PCNX2: variants seen among roughly 807,000 people sequenced by gnomAD.
PCNX2 encodes pecanex-like protein 2.
Under a neutral mutation model 223.8 loss-of-function variants are expected in PCNX2, and 168 were observed. That is an observed-to-expected ratio of 0.75 (90% CI 0.66 to 0.85). The LOEUF is 0.85. PCNX2 is among the 40% of genes least tolerant of loss of function. PCNX2 has a pLI of 0.00. For synonymous variants in PCNX2, 1,006 were observed against 1,052.6 expected (o/e 0.96, Z 0.86); for missense variants, 2,507 against 2,675.5 (o/e 0.94, Z 1.39).
chr1:233,322,884 G>A, the PCNX2 span, among the ~76,000 whole-genome samples: 1 of 151,880 alleles, frequency 6.6e-6, no homozygotes, highest in Non-Finnish European at 1.5e-5. Flanking sequence ...ACCCTTCTTC[G>A]TCTTTCTGAG....
At chr1:233,075,005 G>A (rs559031006) in intron 23 of PCNX2, among the ~76,000 whole-genome samples, 3 of 152,204 alleles carry the variant, frequency 2.0e-5, no homozygotes, top group Admixed American at 2.0e-4. Context: ...CTCTGAAAGA[G>A]TTTTACAGCT....
chr1:233,215,791 C>A (rs1349932227), intron 12 of PCNX2, among the ~76,000 whole-genome samples: 1 of 152,200 alleles, frequency 6.6e-6, no homozygotes, highest in Admixed American at 6.5e-5. Flanking sequence ...CTCACACCAC[C>A]TAACCCAGAT....
intron 19 of PCNX2, among the ~76,000 whole-genome samples, chr1:233,146,118 C>T (rs116755931): frequency 1.1e-4 from 17 of 152,306 alleles, no homozygotes; most frequent in South Asian, 4.1e-4. Context: ...CTAGCTTCAA[C>T]GCAAAGAATG....
At chr1:233,150,747 G>T (rs1331006077) in intron 19 of PCNX2, among the ~76,000 whole-genome samples, 1 of 83,278 alleles carries the variant, frequency 1.2e-5, no homozygotes, top group Non-Finnish European at 2.3e-5. Flanking sequence ...CCATCCCATT[G>T]ATTTTTTTTT....
chr1:233,088,989 T>C lies in PCNX2; in HGVS notation c.4076+1072A>G, dbSNP rs147192746. Among the ~76,000 whole-genome samples the C allele has an allele frequency of 1.4e-4, 21 of 152,328 alleles. No individual in the cohort carries two copies. The East Asian group carries it at 4.1e-3, about 29-fold the overall frequency. On this transcript the variant is annotated intron_variant, in intron 23 of 33. Transcript: ENST00000258229. The stretch of plus-strand genomic sequence containing the variant: ...AAAAGGAGGCCTGAAATTATCAGTG[T>C]TAAGTGGGAGAGATGAGGTGTGAAC...
chr1:233,249,611 G>A (rs1659328332), intron 8 of PCNX2, among the ~76,000 whole-genome samples: 1 of 152,228 alleles, frequency 6.6e-6, no homozygotes, highest in Non-Finnish European at 1.5e-5. Flanking sequence ...TGAGGGAAAA[G>A]GAGGAAGAGT....
At chr1:233,226,312 C>A (rs527250699) in intron 10 of PCNX2, among the ~76,000 whole-genome samples, 1 of 152,116 alleles carries the variant, frequency 6.6e-6, no homozygotes, top group African/African-American at 2.4e-5. Flanking sequence ...TCTTGTTGTG[C>A]AGGCTGGAGT....
At chr1:233,071,373 A>G (rs1201248172) in intron 23 of PCNX2, among the ~76,000 whole-genome samples, 1 of 152,084 alleles carries the variant, frequency 6.6e-6, no homozygotes, top group African/African-American at 2.4e-5. Context: ...ATGTGGTCTC[A>G]TCATTTGCCT....
Position 233,001,791 on chromosome 1 carries a change from T to C in PCNX2, c.4953-110A>G, listed in dbSNP as rs1670098218. On this transcript the variant is annotated intron_variant, in intron 28 of 33. Coordinates refer to ENST00000258229, the MANE Select transcript of PCNX2 (RefSeq NM_014801.4). This position sits in a 1 kb window ranked among gnomAD's most constrained non-coding sequence, Gnocchi z 4.2. ...AATTATCTTAACATTTAGGCTGATATAGCAAGAAAATGAAGATAACAGGAC... is the reference window on the plus strand; with the variant it reads ...AATTATCTTAACATTTAGGCTGATACAGCAAGAAAATGAAGATAACAGGAC... 3 of 1,104,498 alleles carry C rather than the reference T, an allele frequency of 2.7e-6. No individual in the cohort carries two copies. The highest frequency in any genetic ancestry group is 3.2e-5 in the African/African-American group (2 of 62,800). The allele number at this position is 1,104,498 out of a possible 1,614,324, so 68.4% of individuals were successfully genotyped here.
At chr1:233,187,139 G>A (rs769505087) in intron 15 of PCNX2, among the ~76,000 whole-genome samples, 68 of 152,322 alleles carry the variant, frequency 4.5e-4, no homozygotes, top group East Asian at 1.9e-4. Flanking sequence ...ATTCGGCAGC[G>A]ACTACCTGAC....
At chr1:233,241,372 CT>C (rs1658755590) in intron 8 of PCNX2, 1 of 985,322 alleles carries the variant, frequency 1.0e-6, no homozygotes, top group African/African-American at 1.7e-5. Context: ...AAAAGTCTTT[CT>C]AGAATCAACC....
chr1:233,238,552 G>A (rs567198851), intron 8 of PCNX2, among the ~76,000 whole-genome samples: 1 of 152,154 alleles, frequency 6.6e-6, no homozygotes, highest in South Asian at 2.1e-4. Flanking sequence ...AATTAGCTGG[G>A]CATGGTGGCA....
At chr1:233,055,272 C>T (rs1241277374) in intron 24 of PCNX2, among the ~76,000 whole-genome samples, 2 of 152,142 alleles carry the variant, frequency 1.3e-5, no homozygotes, top group African/African-American at 2.4e-5. Context: ...TGCATCCTTG[C>T]CAGGACTTGG....
At chr1:233,119,552 T>C (rs1675637532) in intron 21 of PCNX2, among the ~76,000 whole-genome samples, 1 of 142,628 alleles carries the variant, frequency 7.0e-6, no homozygotes, top group African/African-American at 2.6e-5. Flanking sequence ...GCCACTGCAC[T>C]CCAGCCTGGG....
At chr1:233,086,540 G>A (rs927793268) in intron 23 of PCNX2, among the ~76,000 whole-genome samples, 10 of 151,850 alleles carry the variant, frequency 6.6e-5, no homozygotes, top group African/African-American at 2.2e-4. Flanking sequence ...GCGTGGTGGC[G>A]GGCACCTATA....
At chr1:233,239,076 T>C (rs776041509) in intron 8 of PCNX2, among the ~76,000 whole-genome samples, 2 of 152,204 alleles carry the variant, frequency 1.3e-5, no homozygotes, top group African/African-American at 4.8e-5. Flanking sequence ...AATTGCAATG[T>C]TGACACAAAT....
intron 5 of PCNX2, 38 bp from the exon 6 acceptor site, chr1:233,252,826 A>G (rs1343658875): frequency 3.3e-6 from 5 of 1,508,072 alleles, no homozygotes; most frequent in Non-Finnish European, 3.5e-6. Flanking sequence ...TTAATATAAA[A>G]TAAATCAATG....
chr1:233,302,279 A>AT, the PCNX2 span, among the ~76,000 whole-genome samples: 7 of 152,034 alleles, frequency 4.6e-5, no homozygotes, highest in East Asian at 1.4e-3. Flanking sequence ...TGGTAAATAT[A>AT]TTTTTTTCTA....
chr1:233,305,210 G>A, the PCNX2 span, among the ~76,000 whole-genome samples: 1 of 151,986 alleles, frequency 6.6e-6, no homozygotes, highest in Non-Finnish European at 1.5e-5. Context: ...TCTCATATTT[G>A]TTTTAAAAGA....
Sources: allele counts gnomAD v4.1 joint callset (sites outside exome capture counted in the v4.1 genomes callset), GRCh38; gene constraint gnomAD v4.1.1; non-coding constraint Gnocchi (gnomAD v3.1); transcripts MANE v1.5; gene names NCBI Gene and HGNC (gene_info 2026-07-23, HGNC 2026-07-21).